The following WNT7B variants were observed in gnomAD, a reference collection of about 807,000 sequenced individuals.
WNT7B encodes the protein Wnt family member 7B.
In WNT7B, 19 loss-of-function variants were observed where a neutral mutation model predicts 38.2. The observed-to-expected ratio is 0.50, with a 90% CI of 0.35 to 0.73. The LOEUF is 0.73. Ranked by LOEUF, WNT7B falls within the 30% of genes least tolerant of loss-of-function variation. The probability of loss-of-function intolerance (pLI) is 0.01; values close to 1 mark genes in which losing one functional copy is unlikely to be tolerated. For missense variants in WNT7B, 423 were observed against 507.9 expected, an observed-to-expected ratio of 0.83 and a Z score of 1.61; for synonymous variants, 243 against 209.3, an observed-to-expected ratio of 1.16 and a Z score of -1.39.
chr22:45,928,918 C>G (rs140947992), intron 3 of WNT7B, among the ~76,000 whole-genome samples: 2 of 152,326 alleles, frequency 1.3e-5, no homozygotes, highest in African/African-American at 2.4e-5. Context: ...ATTCCCTCTG[C>G]CTGGAGTGCT....
intron 1 of WNT7B, among the ~76,000 whole-genome samples, chr22:45,970,433 C>T (rs1369425032): frequency 9.4e-5 from 7 of 74,224 alleles, no homozygotes; most frequent in Admixed American, 8.9e-4. Context: ...GTACACTGGG[C>T]ACCACCTTGC....
intron 2 of WNT7B, among the ~76,000 whole-genome samples, chr22:45,939,075 A>G (rs1419560954): frequency 6.6e-6 from 1 of 152,220 alleles, no homozygotes; most frequent in Non-Finnish European, 1.5e-5. Flanking sequence ...CACACGCACT[A>G]GGAATAAAAG....
rs771188383 is a variant in WNT7B at position 45,923,241 on chromosome 22, C to T, written c.665G>A (p.Arg222Gln). 5.0e-6 allele frequency: 8 copies of T among 1,613,486 alleles called. No individual in the cohort carries two copies. Among genetic ancestry groups the T allele is most frequent in the South Asian group, 4.4e-5 (4 of 91,084 alleles). ...KTCWTTLPKF[R>Q]EVGHLLKEKY... Reference sequence around the variant, plus strand: ...CTCCTTCAGCAGGTGGCCCACCTCTCGGAACTTGGGCAGCGTGGTCCAGCA... The same window carrying T: ...CTCCTTCAGCAGGTGGCCCACCTCTTGGAACTTGGGCAGCGTGGTCCAGCA... Residue 222 changes from arginine (R) to glutamine (Q), a missense_variant, in exon 4 of 4, where the codon CGA becomes CAA. Arg to Gln is a conservative substitution (Grantham distance 43, BLOSUM62 1). Around this residue, in one of 3 missense-constraint regions of WNT7B, gnomAD observed 158 missense variants for 214.7 expected, o/e 0.74. Coordinates refer to ENST00000339464, the MANE Select transcript of WNT7B (RefSeq NM_058238.3).
chr22:45,942,102 T>A (rs1451493909), intron 2 of WNT7B, among the ~76,000 whole-genome samples: 6 of 152,132 alleles, frequency 3.9e-5, no homozygotes, highest in Non-Finnish European at 7.4e-5. Flanking sequence ...TGGGGAGTAC[T>A]GTCCCCGCCT....
chr22:45,927,784 T>C (rs1403140669), intron 3 of WNT7B, among the ~76,000 whole-genome samples: 2 of 152,178 alleles, frequency 1.3e-5, no homozygotes, highest in African/African-American at 2.4e-5. Context: ...TAATCCCAGC[T>C]ATTCGGGAGG....
At position 45,970,594 on chromosome 22, in the gene WNT7B, G is replaced by A. The variant is rs577382838; in HGVS notation, c.71+6090C>T. ...GCAGGACTCCTGGTCTCCCACCCCG[G>A]ACACCTCTCTATGAACACCGAACCT... is the stretch of plus-strand genomic sequence containing the variant. On this transcript the variant is annotated intron_variant, in intron 1 of 3. Coordinates refer to ENST00000339464, the MANE Select transcript of WNT7B (RefSeq NM_058238.3). Among the ~76,000 whole-genome samples the A allele has an allele frequency of 7.3e-5, 11 of 151,262 alleles. No homozygotes were observed. In the East Asian group the frequency reaches 2.2e-3, roughly 30 times the overall value.
chr22:45,949,327 A>AACCCCCCCCCCCCCCCCCACC (rs1330884296), intron 2 of WNT7B, among the ~76,000 whole-genome samples: 1 of 123,708 alleles, frequency 8.1e-6, no homozygotes, highest in Non-Finnish European at 1.7e-5. Flanking sequence ...CACTCCCCAC[A>AACCCCCCCCCCCCCCCCCACC]CCCGCCCACC....
chr22:45,925,964 C>T (rs145068492), intron 3 of WNT7B: 1 of 985,000 alleles, frequency 1.0e-6, no homozygotes, highest in South Asian at 4.7e-5. Flanking sequence ...CCCTGTATCC[C>T]TCCCCCTCCT....
intron 2 of WNT7B, chr22:45,935,902 C>A: frequency 1.0e-6 from 1 of 985,172 alleles, no homozygotes; most frequent in Non-Finnish European, 1.2e-6. Context: ...AGCACGGATG[C>A]TCTGTTTGGG....
chr22:45,932,521 A>G (rs1931398206), intron 2 of WNT7B, among the ~76,000 whole-genome samples: 1 of 151,934 alleles, frequency 6.6e-6, no homozygotes, highest in Non-Finnish European at 1.5e-5. Context: ...GGGGACTTCC[A>G]TATGGGTCCG....
At chr22:45,958,868 G>A (rs1932131333) in intron 1 of WNT7B, among the ~76,000 whole-genome samples, 1 of 152,198 alleles carries the variant, frequency 6.6e-6, no homozygotes, top group South Asian at 2.1e-4. Flanking sequence ...CTGCATCTGG[G>A]GCCAGGCTGT....
chr22:45,971,848 G>A (rs762804605), intron 1 of WNT7B, among the ~76,000 whole-genome samples: 4 of 152,210 alleles, frequency 2.6e-5, no homozygotes, highest in Admixed American at 1.3e-4. Flanking sequence ...GGCGCCGCTC[G>A]CGTGCCCGCG....
At chr22:45,923,471 C>T in intron 3 of WNT7B, 136 bp from the exon 4 acceptor site, 1 of 1,258,870 alleles carries the variant, frequency 7.9e-7, no homozygotes, top group Non-Finnish European at 1.1e-6. Context: ...GAGTGTCTCT[C>T]CCTCTCTGAC....
At chr22:45,954,885 T>A (rs572751361) in intron 1 of WNT7B, 11 of 488,346 alleles carry the variant, frequency 2.3e-5, no homozygotes, top group South Asian at 1.8e-4. Flanking sequence ...GCCATCCTCA[T>A]TTTGCAGGTG....
At chr22:45,925,388 G>A in intron 3 of WNT7B, 1 of 985,376 alleles carries the variant, frequency 1.0e-6, no homozygotes, top group Non-Finnish European at 1.2e-6. Flanking sequence ...GGAGGTGGGA[G>A]AGGGAGGCTG....
Position 45,923,431 on chromosome 22 carries a change from C to T in WNT7B, c.571-96G>A. On this transcript the variant is annotated intron_variant, in intron 3 of 3. Coordinates refer to ENST00000339464, the MANE Select transcript of WNT7B (RefSeq NM_058238.3). Reference sequence around the variant, plus strand: ...GCCTCTAGCCCAGCCCTGGAGCCCGCTCCTCCCCTTGGGCTGTGTGACCAC... The same window carrying T: ...GCCTCTAGCCCAGCCCTGGAGCCCGTTCCTCCCCTTGGGCTGTGTGACCAC... 8 of 1,481,616 alleles carry T rather than the reference C, an allele frequency of 5.4e-6. No homozygotes were observed. The South Asian group carries it at 6.8e-5, about 13-fold the overall frequency. The allele number at this position is 1,481,616 out of a possible 1,614,324, so 91.8% of individuals were successfully genotyped here.
At chr22:45,963,043 G>T (rs1932232122) in intron 1 of WNT7B, among the ~76,000 whole-genome samples, 1 of 152,136 alleles carries the variant, frequency 6.6e-6, no homozygotes, top group Non-Finnish European at 1.5e-5. Context: ...TGCAAGACAG[G>T]GCTGAGCTCC....
chr22:45,923,048 G>A lies in WNT7B; in HGVS notation c.858C>T (p.Ser286=), dbSNP rs1261513349. The A allele has an allele frequency of 9.9e-6, 16 of 1,612,626 alleles. No homozygotes were observed. The highest frequency in any genetic ancestry group is 1.6e-4 in the Middle Eastern group (1 of 6,082). The stretch of plus-strand genomic sequence containing the variant: ...TGCAGAGACGGCCCTGCGTGCCCAC[G>A]CTGCCCGTGGCCGCGTCCTCCTCGC... ...NYCEEDAATG[S]VGTQGRLCNR... is the part of the protein sequence containing the mutation. The change falls in exon 4 of 4, where the codon AGC becomes AGT. Residue 286 remains serine (S), a synonymous_variant. Coordinates refer to ENST00000339464, the MANE Select transcript of WNT7B (RefSeq NM_058238.3).
chr22:45,974,800 C>T (rs1026271894), intron 1 of WNT7B, among the ~76,000 whole-genome samples: 1 of 152,174 alleles, frequency 6.6e-6, no homozygotes, highest in East Asian at 1.9e-4. Flanking sequence ...TCAGACCTCT[C>T]TCAGACACTG....
Sources: gnomAD v4.1 joint callset for allele counts (sites outside exome capture counted in the v4.1 genomes callset) on GRCh38, gnomAD v4.1.1 for gene constraint, gnomAD v4.1.1 regional missense constraint, MANE v1.5 for transcripts, NCBI Gene and HGNC (gene_info 2026-07-23, HGNC 2026-07-21) for gene names.